The following MMD variants were observed in gnomAD, a reference collection of about 807,000 sequenced individuals.
The protein encoded by MMD is monocyte to macrophage differentiation associated.
In MMD, 22 loss-of-function variants were observed where a neutral mutation model predicts 33.6. The ratio of observed to expected loss-of-function variants is 0.66; its 90% CI spans 0.47 to 0.94. MMD has a LOEUF of 0.94. Ranked by LOEUF, MMD falls within the 40% of genes least tolerant of loss-of-function variation. MMD has a pLI of 0.00. For missense variants in MMD, 242 were observed against 309.8 expected (o/e 0.78, Z 1.64); for synonymous variants, 97 against 103.2 (o/e 0.94, Z 0.36).
At chr17:55,405,324 C>A (rs1907500429) in intron 4 of MMD, among the ~76,000 whole-genome samples, 1 of 150,140 alleles carries the variant, frequency 6.7e-6, no homozygotes, top group Admixed American at 6.7e-5. Context: ...GAGCCAAGAT[C>A]GCGCCATTGC....
chr17:55,418,846 C>T (rs1908069367), intron 1 of MMD, among the ~76,000 whole-genome samples: 1 of 152,174 alleles, frequency 6.6e-6, no homozygotes, highest in Non-Finnish European at 1.5e-5. Context: ...GCTGCATGAT[C>T]ATGAGGTTGG....
chr17:55,414,957 G>A (rs1239026768), intron 1 of MMD, among the ~76,000 whole-genome samples: 1 of 152,194 alleles, frequency 6.6e-6, no homozygotes, highest in African/African-American at 2.4e-5. Context: ...ACACAAATGT[G>A]TGTACGTATC....
rs112900829 is a variant in MMD, at chr17:55,403,655, T to C, written c.446+112A>G. ...GATTTATTAAAAATAACATATTCTA[T>C]ATATGTATTTCTACTGTTTTGAAGT... On this transcript the variant is annotated intron_variant, in intron 5 of 6. Coordinates refer to ENST00000262065, the MANE Select transcript of MMD (RefSeq NM_012329.3). The C allele has an allele frequency of 2.2e-3, 1,436 of 656,326 alleles. 15 individuals are homozygous for C. The African/African-American group carries it at 0.024, about 11-fold the overall frequency. The allele number at this position is 656,326 out of a possible 1,614,324, so 40.7% of individuals were successfully genotyped here.
intron 6 of MMD, among the ~76,000 whole-genome samples, chr17:55,397,902 T>C (rs978029179): frequency 6.6e-6 from 1 of 152,058 alleles, no homozygotes; most frequent in Non-Finnish European, 1.5e-5. Flanking sequence ...TCTGATAAAA[T>C]GTCAGTGGTC....
intron 3 of MMD, among the ~76,000 whole-genome samples, chr17:55,408,647 C>T (rs1236575942): frequency 6.6e-6 from 1 of 152,088 alleles, no homozygotes; most frequent in African/African-American, 2.4e-5. Context: ...ACTTTCCTCC[C>T]CCTACACGTA....
At chr17:55,420,160 G>A (rs1013824706) in intron 1 of MMD, 6 of 152,090 alleles carry the variant, frequency 3.9e-5, no homozygotes, top group African/African-American at 1.4e-4. Context: ...ACAAGGAAGG[G>A]GCAATTTCAC....
intron 2 of MMD, among the ~76,000 whole-genome samples, chr17:55,413,416 C>G (rs1907839676): frequency 6.6e-6 from 1 of 151,984 alleles, no homozygotes; most frequent in African/African-American, 2.4e-5. Flanking sequence ...AACAGGAAAA[C>G]TGAAAATACA....
intron 1 of MMD, among the ~76,000 whole-genome samples, chr17:55,419,458 TC>T (rs1307371900): frequency 1.3e-5 from 2 of 152,236 alleles, no homozygotes; most frequent in Non-Finnish European, 2.9e-5. Context: ...TGCTCCTCCA[TC>T]CAGTCCCAAT....
At chr17:55,419,917 G>T (rs980867765) in intron 1 of MMD, among the ~76,000 whole-genome samples, 1 of 152,058 alleles carries the variant, frequency 6.6e-6, no homozygotes, top group Admixed American at 6.6e-5. Flanking sequence ...GAATAATAGC[G>T]CAAAAATCAC....
intron 4 of MMD, among the ~76,000 whole-genome samples, chr17:55,406,516 C>T (rs780124795): frequency 6.6e-5 from 10 of 151,954 alleles, no homozygotes; most frequent in Non-Finnish European, 1.2e-4. Context: ...GCTGAGACCA[C>T]GGGCCACTGC....
intron 4 of MMD, among the ~76,000 whole-genome samples, chr17:55,406,172 A>T (rs1907536219): frequency 6.6e-6 from 1 of 152,158 alleles, no homozygotes; most frequent in Non-Finnish European, 1.5e-5. Flanking sequence ...AGGTGGGCAG[A>T]TCACTTGAGG....
intron 1 of MMD, among the ~76,000 whole-genome samples, chr17:55,419,294 G>A (rs1908085515): frequency 6.6e-6 from 1 of 152,242 alleles, no homozygotes; most frequent in Non-Finnish European, 1.5e-5. Context: ...AAGGGGAGAG[G>A]ATGACTTTGT....
At chr17:55,412,182 C>T (rs1237560773) in intron 2 of MMD, among the ~76,000 whole-genome samples, 1 of 152,116 alleles carries the variant, frequency 6.6e-6, no homozygotes, top group Non-Finnish European at 1.5e-5. Context: ...GATAATTGAA[C>T]AAATCAAGTA....
chr17:55,416,537 T>C (rs1300978202), intron 1 of MMD, among the ~76,000 whole-genome samples: 7 of 152,326 alleles, frequency 4.6e-5, no homozygotes, highest in African/African-American at 1.7e-4. Context: ...CTCAGTAGGA[T>C]AGACAGCATA....
At chr17:55,401,631 G>T (rs964069250) in intron 5 of MMD, 93 bp from the exon 6 acceptor site, 14 of 1,072,350 alleles carry the variant, frequency 1.3e-5, no homozygotes, top group Non-Finnish European at 1.8e-5. Context: ...TTTTGAGAAA[G>T]AAATGTAAAC....
At chr17:55,405,434 C>T (rs1486942577) in intron 4 of MMD, among the ~76,000 whole-genome samples, 1 of 151,228 alleles carries the variant, frequency 6.6e-6, no homozygotes, top group Non-Finnish European at 1.5e-5. Flanking sequence ...TCCTGATTAT[C>T]TATAACTACA....
intron 1 of MMD, chr17:55,420,100 C>A (rs1323072385): frequency 1.3e-5 from 2 of 151,646 alleles, no homozygotes; most frequent in African/African-American, 4.8e-5. Context: ...TGTTTTTTTT[C>A]TTTTTAGAGG....
Position 55,394,451 on chromosome 17 carries a change from G to A in MMD, c.600C>T (p.Ile200=). ...GCCAGATGGCGTGGGCAAATGGAATGATGCCATCACTCTTGAAGAACACAA... is the reference window on the plus strand; with the variant it reads ...GCCAGATGGCGTGGGCAAATGGAATAATGCCATCACTCTTGAAGAACACAA... The part of the protein sequence containing the change: ...LGVVFFKSDG[I]IPFAHAIWHL... Residue 200 remains isoleucine (I), a synonymous_variant, in exon 7 of 7, where the codon ATC becomes ATT. Transcript: ENST00000262065. The A allele has an allele frequency of 6.5e-7, 1 of 1,543,206 alleles. No individual in the cohort carries two copies.
At chr17:55,421,562 C>T (rs1908190057) in intron 1 of MMD, 108 bp downstream of exon 1, 2 of 1,461,644 alleles carry the variant, frequency 1.4e-6, no homozygotes, top group Admixed American at 3.8e-5. Context: ...GGTGCGGGAT[C>T]CACCCAGGAT....
Sources: allele counts gnomAD v4.1 joint callset (sites outside exome capture counted in the v4.1 genomes callset), GRCh38; gene constraint gnomAD v4.1.1; transcripts MANE v1.5; gene names NCBI Gene and HGNC (gene_info 2026-07-23, HGNC 2026-07-21).